TBL1X: variants seen among roughly 807,000 people sequenced by gnomAD.
The protein encoded by TBL1X is transducin beta like 1 X-linked.
Under a neutral mutation model 50.7 loss-of-function variants are expected in TBL1X, and 10 were observed. That is an observed-to-expected ratio of 0.20 (90% CI 0.12 to 0.33). The LOEUF (loss-of-function observed/expected upper bound fraction) is 0.33, where lower values mean the gene tolerates loss of function less well. Ranked by LOEUF, TBL1X falls within the 10% of genes least tolerant of loss-of-function variation. The pLI is 1.00. For synonymous variants in TBL1X, 190 were observed against 214.7 expected (o/e 0.88, Z 1.01); for missense variants, 340 against 504.4 (o/e 0.67, Z 3.12).
intron 2 of TBL1X, among the ~76,000 whole-genome samples, chrX:9,561,529 A>G (rs1052837712): frequency 3.6e-5 from 4 of 111,757 alleles, no homozygotes; most frequent in African/African-American, 1.3e-4. Context: ...GAGTATAGAA[A>G]CATGTTCTCT....
intron 5 of TBL1X, among the ~76,000 whole-genome samples, chrX:9,679,311 G>C (rs147818592): frequency 2.2e-3 from 241 of 110,679 alleles, no homozygotes; most frequent in African/African-American, 7.6e-3. Context: ...TAGAGGCCGG[G>C]GGTGCTGCTC....
At chrX:9,564,688 G>A (rs1452028309) in intron 2 of TBL1X, among the ~76,000 whole-genome samples, 4 of 108,590 alleles carry the variant, frequency 3.7e-5, no homozygotes, top group Admixed American at 9.8e-5. Context: ...AGCCAAGATC[G>A]CGCCACTGCA....
chrX:9,570,265 A>C (rs377751280), intron 2 of TBL1X, among the ~76,000 whole-genome samples: 1 of 112,183 alleles, frequency 8.9e-6, no homozygotes, highest in African/African-American at 3.2e-5. Context: ...GCCAACACAC[A>C]TGCATATGGA....
At position 9,711,996 on chromosome X, in the gene TBL1X, G is replaced by A. The variant is rs12010759; in HGVS notation, c.1605+220G>A. Among the ~76,000 whole-genome samples, 291 of 112,262 alleles carry A rather than the reference G, an allele frequency of 2.6e-3. 1 individual carries two copies. The highest frequency in any genetic ancestry group is 9.0e-3 in the African/African-American group (280 of 30,987). On this transcript the variant is annotated intron_variant, in intron 16 of 17. Transcript: ENST00000645353. The stretch of plus-strand genomic sequence containing the variant: ...GCTCCCCTCCCTGAGGAAGGGCGTC[G>A]TGTCCACCGTAATCATGGCTCTTGG...
At chrX:9,494,421 A>G (rs1242738187) in intron 1 of TBL1X, among the ~76,000 whole-genome samples, 2 of 111,452 alleles carry the variant, frequency 1.8e-5, no homozygotes, top group African/African-American at 6.5e-5. Context: ...AAATGGAAGT[A>G]AGGAAAACGA....
At chrX:9,659,526 G>A (rs888280207) in intron 5 of TBL1X, among the ~76,000 whole-genome samples, 2 of 112,585 alleles carry the variant, frequency 1.8e-5, no homozygotes, top group South Asian at 3.6e-4. Flanking sequence ...GGACATTTGC[G>A]TTCTTTCCAG....
chrX:9,599,937 A>T (rs1252323941), intron 2 of TBL1X, among the ~76,000 whole-genome samples: 1 of 111,791 alleles, frequency 8.9e-6, no homozygotes, highest in Non-Finnish European at 1.9e-5. Context: ...GCTGATCAGA[A>T]TGTGCTCCAC....
intron 5 of TBL1X, 47 bp downstream of exon 5, chrX:9,654,369 T>G: frequency 8.7e-7 from 1 of 1,145,965 alleles, no homozygotes; most frequent in Non-Finnish European, 1.2e-6. Context: ...CTACAGCATC[T>G]TACAAGCAGA....
intron 2 of TBL1X, among the ~76,000 whole-genome samples, chrX:9,552,464 G>A (rs1042740067): frequency 9.0e-6 from 1 of 111,708 alleles, no homozygotes; most frequent in Admixed American, 9.5e-5. Flanking sequence ...GTATCACTCC[G>A]ACTTAAACCA....
At chrX:9,467,988 C>T (rs1228598299) in intron 1 of TBL1X, among the ~76,000 whole-genome samples, 5 of 112,616 alleles carry the variant, frequency 4.4e-5, no homozygotes, top group African/African-American at 1.6e-4. Context: ...CAAGCTGGCC[C>T]CCTCCCACAC....
At chrX:9,639,543 T>C (rs2082764493) in intron 2 of TBL1X, among the ~76,000 whole-genome samples, 1 of 112,284 alleles carries the variant, frequency 8.9e-6, no homozygotes, top group African/African-American at 3.2e-5. Context: ...AAAACAATTT[T>C]TGATATAAAG....
At chrX:9,512,646 C>T (rs2521369) in intron 2 of TBL1X, among the ~76,000 whole-genome samples, 44,134 of 108,539 alleles carry the variant, frequency 0.41, 7,073 homozygotes, top group Admixed American at 0.54. Context: ...TACAGGCATG[C>T]GCCACCACGC....
chrX:9,671,389 G>T (rs184838364), intron 5 of TBL1X, among the ~76,000 whole-genome samples: 1 of 112,737 alleles, frequency 8.9e-6, no homozygotes, highest in East Asian at 2.8e-4. Flanking sequence ...TTTTTATTTG[G>T]GGGCCATTCC....
intron 2 of TBL1X, among the ~76,000 whole-genome samples, chrX:9,565,140 T>C (rs1303516483): frequency 1.8e-3 from 192 of 107,291 alleles, no homozygotes; most frequent in African/African-American, 6.2e-3. Context: ...GGCGTGGTGT[T>C]GGGCACCTGT....
At position 9,718,983 on chromosome X, in the gene TBL1X, C is replaced by T. The variant is rs923803507; in HGVS notation, c.*2737C>T. 2 of 112,512 alleles carry T rather than the reference C, an allele frequency of 1.8e-5. No homozygotes were observed. The highest frequency in any genetic ancestry group is 6.5e-5 in the African/African-American group (2 of 30,911). 9.3% of individuals were successfully genotyped at this position (112,512 alleles called of 1,213,427 possible). A position where few individuals can be genotyped will look rare whatever the true frequency, so the allele number is the denominator to read the frequency against. On this transcript the variant is annotated 3_prime_UTR_variant, in exon 18 of 18. Transcript: ENST00000645353. ...AGCCTCCAGCATTTGCACACCACTA[C>T]TCACCCTCTCTGCTGCTGGCATGTT...
chrX:9,600,230 A>T (rs1297552145), intron 2 of TBL1X, among the ~76,000 whole-genome samples: 1 of 110,651 alleles, frequency 9.0e-6, no homozygotes, highest in Non-Finnish European at 1.9e-5. Context: ...GAGACTGGGA[A>T]GTCCAGGATC....
intron 6 of TBL1X, among the ~76,000 whole-genome samples, chrX:9,684,598 T>TTAAAAAAAAAAAAA (rs746186550): frequency 3.9e-4 from 20 of 51,270 alleles, no homozygotes; most frequent in African/African-American, 1.6e-3. Context: ...TCTCTAAAAT[T>TTAAAAAAAAAAAAA]AAAAAAAAAA....
intron 2 of TBL1X, among the ~76,000 whole-genome samples, chrX:9,564,435 G>GACA (rs2082338441): frequency 3.4e-5 from 2 of 59,459 alleles, no homozygotes; most frequent in Admixed American, 2.3e-4. Context: ...TAGAGCAGGA[G>GACA]ACAAATTTTA....
At chrX:9,560,754 G>A (rs1321459089) in intron 2 of TBL1X, among the ~76,000 whole-genome samples, 1 of 111,640 alleles carries the variant, frequency 9.0e-6, no homozygotes, top group African/African-American at 3.3e-5. Context: ...TAGACAGATT[G>A]CGGGGCCATT....
Sources: allele counts gnomAD v4.1 joint callset (sites outside exome capture counted in the v4.1 genomes callset), GRCh38; gene constraint gnomAD v4.1.1; transcripts MANE v1.5; gene names NCBI Gene and HGNC (gene_info 2026-07-23, HGNC 2026-07-21).